The following AGAP1 variants were observed in gnomAD, a reference collection of about 807,000 sequenced individuals.
AGAP1 encodes arf-GAP with GTPase, ANK repeat and PH domain-containing protein 1.
AGAP1 carries 29 observed loss-of-function variants against 105.3 expected under a neutral mutation model. That is an observed-to-expected ratio of 0.28 (90% CI 0.21 to 0.38). AGAP1 has a LOEUF of 0.38. AGAP1 is among the 10% of genes least tolerant of loss of function. The pLI is 1.00. For synonymous variants in AGAP1, 509 were observed against 485.9 expected (o/e 1.05, Z -0.63); for missense variants, 998 against 1,165.1 (o/e 0.86, Z 2.09).
chr2:235,741,440 GCAATTGGGAGTCCCA>G lies in AGAP1; in HGVS notation c.396+394_396+408del, dbSNP rs1952577099. ...GTGAGAGTTAGAGAGCTTGCTGGGT[GCAATTGGGAGTCCCA>G]CCTTCTCTCTGTCTCTGGTAACTAC... On this transcript the variant is annotated intron_variant, in intron 4 of 17. Coordinates refer to ENST00000304032, the MANE Select transcript of AGAP1 (RefSeq NM_001037131.3). This position sits in a 1 kb window ranked among gnomAD's most constrained non-coding sequence, Gnocchi z 4.9. 6.6e-6 allele frequency among the ~76,000 whole-genome samples: 1 copy of G among 152,192 alleles called. No homozygotes were observed. Among genetic ancestry groups the G allele is most frequent in the African/African-American group, 2.4e-5 (1 of 41,464 alleles).
In AGAP1 at chr2:236,032,588, A is replaced by G. The variant is rs369371382; in HGVS notation, c.1646-3973A>G. ...ATCAGGTGGATGATGGGGAAGCATTATTAGAAAAGAGAGGGTGGTAAAGAG... is the reference window on the plus strand; with the variant it reads ...ATCAGGTGGATGATGGGGAAGCATTGTTAGAAAAGAGAGGGTGGTAAAGAG... On this transcript the variant is annotated intron_variant, in intron 13 of 17. Transcript: ENST00000304032. Among the ~76,000 whole-genome samples the G allele has an allele frequency of 2.6e-4, 39 of 152,308 alleles. 1 individual carries two copies. Among genetic ancestry groups the G allele is most frequent in the African/African-American group, 8.9e-4 (37 of 41,590 alleles).
rs1206042900 is a variant in AGAP1, at chr2:236,014,348, C to T, written c.1646-22213C>T. ...TGGTTTTAAAACCTACCTTCTCCAA[C>T]ACATAGGCATGAACTGCTCATAACC... On this transcript the variant is annotated intron_variant, in intron 13 of 17. Transcript: ENST00000304032. The surrounding 1 kb of genome is among the most constrained non-coding windows in gnomAD (Gnocchi z 6.3). 6.6e-6 allele frequency among the ~76,000 whole-genome samples: 1 copy of T among 152,204 alleles called. No individual in the cohort carries two copies. Among genetic ancestry groups the T allele is most frequent in the Admixed American group, 6.5e-5 (1 of 15,286 alleles).
intron 1 of AGAP1, among the ~76,000 whole-genome samples, chr2:235,588,237 A>AG (rs1352183161): frequency 7.9e-5 from 12 of 151,908 alleles, no homozygotes; most frequent in Admixed American, 7.9e-4. Flanking sequence ...TCAAAAAAAA[A>AG]AAAAAATGCA....
chr2:235,528,957 T>C (rs1468899590), intron 1 of AGAP1, among the ~76,000 whole-genome samples: 1 of 152,226 alleles, frequency 6.6e-6, no homozygotes, highest in African/African-American at 2.4e-5. Context: ...ATTACATGCA[T>C]GAGCCACTGC....
At position 235,609,368 on chromosome 2, in the gene AGAP1, G is replaced by T. The variant is rs188463252; in HGVS notation, c.164-99811G>T. Among the ~76,000 whole-genome samples, 447 of 152,300 alleles carry T rather than the reference G, an allele frequency of 2.9e-3. 7 individuals carry two copies. Among genetic ancestry groups the T allele is most frequent in the African/African-American group, 0.011 (441 of 41,552 alleles). On this transcript the variant is annotated intron_variant, in intron 1 of 17. Coordinates refer to ENST00000304032, the MANE Select transcript of AGAP1 (RefSeq NM_001037131.3). This position sits in a 1 kb window ranked among gnomAD's most constrained non-coding sequence, Gnocchi z 5.1. ...AGGACATGGGGACATGGGGCAGGGAGAGCTTCAGAATGAGCGGGAAGCCTC... is the reference window on the plus strand; with the variant it reads ...AGGACATGGGGACATGGGGCAGGGATAGCTTCAGAATGAGCGGGAAGCCTC...
intron 16 of AGAP1, among the ~76,000 whole-genome samples, chr2:236,111,511 GAGA>G (rs1218531226): frequency 6.8e-5 from 9 of 133,004 alleles, no homozygotes; most frequent in African/African-American, 2.1e-4. Flanking sequence ...AAAAAAGAGA[GAGA>G]AGAAGACTGG....
chr2:235,880,083 C>CTTTTTTTTTTTTTTTT (rs35633339), intron 9 of AGAP1, among the ~76,000 whole-genome samples: 1 of 138,890 alleles, frequency 7.2e-6, no homozygotes. Flanking sequence ...GCACTCTGGC[C>CTTTTTTTTTTTTTTTT]TTTTTTTTTT....
In AGAP1 at chr2:235,690,915, C is replaced by T. The variant is rs1300480857; in HGVS notation, c.164-18264C>T. 6.6e-6 allele frequency among the ~76,000 whole-genome samples: 1 copy of T among 152,064 alleles called. No homozygotes were observed. The highest frequency in any genetic ancestry group is 1.5e-5 in the Non-Finnish European group (1 of 68,018). Reference sequence around the variant, plus strand: ...GCCATATAAATACTTCGGATCTGGCCTGAGGGTTTGGCAGGGATTCGTGGC... The same window carrying T: ...GCCATATAAATACTTCGGATCTGGCTTGAGGGTTTGGCAGGGATTCGTGGC... On this transcript the variant is annotated intron_variant, in intron 1 of 17. Coordinates refer to ENST00000304032, the MANE Select transcript of AGAP1 (RefSeq NM_001037131.3). The surrounding 1 kb of genome is among the most constrained non-coding windows in gnomAD (Gnocchi z 4.1).
At chr2:235,634,128 G>C (rs1448952584) in intron 1 of AGAP1, among the ~76,000 whole-genome samples, 1 of 152,136 alleles carries the variant, frequency 6.6e-6, no homozygotes, top group African/African-American at 2.4e-5. Flanking sequence ...GCAAGTTGTG[G>C]GGCTTCTCAC....
intron 10 of AGAP1, among the ~76,000 whole-genome samples, chr2:235,894,274 G>T (rs923823714): frequency 2.0e-5 from 3 of 152,158 alleles, no homozygotes; most frequent in Non-Finnish European, 4.4e-5. Flanking sequence ...TCCCCAGTTG[G>T]TTGGCTATTC....
intron 1 of AGAP1, among the ~76,000 whole-genome samples, chr2:235,686,640 T>TATAGATATATATATATATATATAG (rs1949435246): frequency 2.1e-5 from 1 of 48,654 alleles, no homozygotes; most frequent in Non-Finnish European, 3.7e-5. Flanking sequence ...TATATATATA[T>TATAGATATATATATATATATATAG]ATATAGATAT....
rs1291723699 is a variant in AGAP1, at chr2:235,960,035, G to C, written c.1484-8427G>C. On this transcript the variant is annotated intron_variant, in intron 12 of 17. Coordinates refer to ENST00000304032, the MANE Select transcript of AGAP1 (RefSeq NM_001037131.3). This position sits in a 1 kb window ranked among gnomAD's most constrained non-coding sequence, Gnocchi z 4.9. ...AGCATTGCCGTGGCAGGAGAACGCA[G>C]TGGGCAGAGACGCACCCTGCCCTGC... 6.6e-6 allele frequency among the ~76,000 whole-genome samples: 1 copy of C among 152,210 alleles called. No homozygotes were observed. The highest frequency in any genetic ancestry group is 1.5e-5 in the Non-Finnish European group (1 of 68,036).
chr2:235,744,896 C>A lies in AGAP1; in HGVS notation c.538+57C>A. ...AAGGGTTCTAACAGTTACATATTTT[C>A]AGTATGGAGGAGTTTAAAAAATGCT... On this transcript the variant is annotated intron_variant, in intron 5 of 17. Transcript: ENST00000304032. The surrounding 1 kb of genome is among the most constrained non-coding windows in gnomAD (Gnocchi z 5.2). 1.3e-6 allele frequency: 2 copies of A among 1,594,254 alleles called. No individual in the cohort carries two copies. Among genetic ancestry groups the A allele is most frequent in the Non-Finnish European group, 1.7e-6 (2 of 1,166,652 alleles).
At chr2:235,990,884 A>G (rs1342098218) in intron 13 of AGAP1, among the ~76,000 whole-genome samples, 1 of 152,238 alleles carries the variant, frequency 6.6e-6, no homozygotes. Context: ...ATGGAACAAG[A>G]TAGAGTAAGA....
At position 236,082,665 on chromosome 2, in the gene AGAP1, G is replaced by A. The variant is rs540232544; in HGVS notation, c.2114+33384G>A. ...AAGACGGGTGGATCACCTGAGGCCA[G>A]GAGTTTGAGACCAGCCTGGCCAACA... is the stretch of plus-strand genomic sequence containing the variant. On this transcript the variant is annotated intron_variant, in intron 16 of 17. Transcript: ENST00000304032. This position sits in a 1 kb window ranked among gnomAD's most constrained non-coding sequence, Gnocchi z 4.2. Among the ~76,000 whole-genome samples the A allele has an allele frequency of 6.6e-6, 1 of 152,358 alleles. No homozygotes were observed. Among genetic ancestry groups the A allele is most frequent in the African/African-American group, 2.4e-5 (1 of 41,586 alleles).
At chr2:235,923,421 A>G (rs1243833504) in intron 11 of AGAP1, among the ~76,000 whole-genome samples, 2 of 152,186 alleles carry the variant, frequency 1.3e-5, no homozygotes, top group Non-Finnish European at 2.9e-5. Flanking sequence ...GCACAGAATC[A>G]TAAGTCATAG....
chr2:235,547,584 C>A (rs1943667827), intron 1 of AGAP1, among the ~76,000 whole-genome samples: 1 of 152,198 alleles, frequency 6.6e-6, no homozygotes, highest in Admixed American at 6.5e-5. Flanking sequence ...GTCTCAAACT[C>A]CTGACCTCTG....
intron 9 of AGAP1, among the ~76,000 whole-genome samples, chr2:235,836,450 T>TAG: frequency 6.6e-6 from 1 of 152,342 alleles, no homozygotes; most frequent in East Asian, 1.9e-4. Context: ...GGAATGCTGC[T>TAG]GACTTTTGAA....
intron 16 of AGAP1, among the ~76,000 whole-genome samples, chr2:236,077,371 T>C (rs1368743856): frequency 1.3e-5 from 2 of 149,448 alleles, no homozygotes; most frequent in African/African-American, 4.9e-5. Flanking sequence ...CAGGCTGGAG[T>C]GCAGTGGCGC....
Sources: allele counts gnomAD v4.1 joint callset (sites outside exome capture counted in the v4.1 genomes callset), GRCh38; gene constraint gnomAD v4.1.1; non-coding constraint Gnocchi (gnomAD v3.1); transcripts MANE v1.5; gene names NCBI Gene and HGNC (gene_info 2026-07-23, HGNC 2026-07-21).